The following DCHS2 variants were observed in gnomAD, a reference collection of about 807,000 sequenced individuals.
The protein encoded by DCHS2 is protocadherin-23.
A neutral mutation model predicts 182.4 loss-of-function variants in DCHS2; 142 were observed. That is an observed-to-expected ratio of 0.78 (90% CI 0.68 to 0.89). The LOEUF (loss-of-function observed/expected upper bound fraction) is 0.89, where lower values mean the gene tolerates loss of function less well. Ranked by LOEUF, DCHS2 falls within the 40% of genes least tolerant of loss-of-function variation. The pLI, the probability that DCHS2 is intolerant of heterozygous loss-of-function variation, is 0.00. For synonymous variants in DCHS2, 1,740 were observed against 1,663.3 expected, an observed-to-expected ratio of 1.05 and a Z score of -1.12; for missense variants, 4,319 against 4,198.6, an observed-to-expected ratio of 1.03 and a Z score of -0.79.
At chr4:154,238,876 T>C (rs1359976347) in intron 19 of DCHS2, among the ~76,000 whole-genome samples, 1 of 152,154 alleles carries the variant, frequency 6.6e-6, no homozygotes, top group Non-Finnish European at 1.5e-5. Context: ...CTGTGCTTGG[T>C]TGGACGGATG....
rs904771457 is a variant in DCHS2 at position 154,236,877 on chromosome 4, C to A, written c.7775G>T (p.Gly2592Val). 5 of 1,614,028 alleles carry A rather than the reference C, an allele frequency of 3.1e-6. No homozygotes were observed. The Admixed American group carries it at 5.0e-5, about 16-fold the overall frequency. Residue 2592 changes from glycine to valine, a missense_variant, in exon 20 of 20, where the codon GGT becomes GTT. Transcript: ENST00000357232. The part of the protein sequence containing the change: ...NTYVEYSIIS[G>V]NSQNNFHVET... ...CACATGAAAATTGTTCTGTGAATTA[C>A]CACTGATGATGGAATATTCAACATA...
At position 154,304,745 on chromosome 4, in the gene DCHS2, T is replaced by C; in HGVS notation, c.5529A>G (p.Glu1843=). 1 of 1,614,050 alleles carries C rather than the reference T, an allele frequency of 6.2e-7. No homozygotes were observed. The highest frequency in any genetic ancestry group is 1.1e-5 in the South Asian group (1 of 91,076). The change falls in exon 12 of 20, where the codon GAA becomes GAG. Residue 1843 remains glutamate, a synonymous_variant. Coordinates refer to ENST00000357232, the MANE Select transcript of DCHS2 (RefSeq NM_001358235.2). ...CTAAAACCGTATAGACAACCTCTGG[T>C]TCCTGGTTTTCCAGAACCTCAATGT... ...SYDIEVLENQ[E]PEVVYTVLAS...
intron 12 of DCHS2, among the ~76,000 whole-genome samples, chr4:154,303,130 T>C (rs1735286506): frequency 6.6e-6 from 1 of 151,528 alleles, no homozygotes; most frequent in African/African-American, 2.4e-5. Context: ...TACAGGTGCC[T>C]GCCACCACAC....
At chr4:154,397,926 G>A (rs1281910612) in intron 1 of DCHS2, among the ~76,000 whole-genome samples, 2 of 152,080 alleles carry the variant, frequency 1.3e-5, no homozygotes, top group East Asian at 3.9e-4. Context: ...CTCTGTGTTG[G>A]GTAGAGTAAA....
In DCHS2 at chr4:154,242,638, T is replaced by A. The variant is rs1578845475; in HGVS notation, c.7072+4A>T. 1 of 1,608,316 alleles carries A rather than the reference T, an allele frequency of 6.2e-7. No individual in the cohort carries two copies. Among genetic ancestry groups the A allele is most frequent in the Non-Finnish European group, 8.5e-7 (1 of 1,178,052 alleles). ...AAACCACTATGCCAAATTGTCACAC[T>A]TACCTTCTGTAATTTCCACTGCTTC... is the stretch of plus-strand genomic sequence containing the variant. On this transcript the variant is annotated splice_donor_region_variant and intron_variant, in intron 17 of 19. Transcript: ENST00000357232.
chr4:154,265,488 T>C (rs763381953), intron 14 of DCHS2, among the ~76,000 whole-genome samples: 6 of 152,178 alleles, frequency 3.9e-5, no homozygotes, highest in Non-Finnish European at 5.9e-5. Flanking sequence ...ACCAAAAATG[T>C]CAGCGATCAG....
In DCHS2 at chr4:154,433,394, C is replaced by T. The variant is rs201070879; in HGVS notation, c.2052+55910G>A. Among the ~76,000 whole-genome samples, 206 of 48,862 alleles carry T rather than the reference C, an allele frequency of 4.2e-3. 1 individual carries two copies. Among genetic ancestry groups the T allele is most frequent in the Middle Eastern group, 0.019 (1 of 54 alleles). 32.1% of individuals were successfully genotyped at this position (48,862 alleles called of 152,430 possible). A position where few individuals can be genotyped will look rare whatever the true frequency, so the allele number is the denominator to read the frequency against. ...AACAAATAACTAGTTTTTTTTTTTT[C>T]CTTTTTTTTTTTTTTTTTTGAGACA... On this transcript the variant is annotated intron_variant, in intron 1 of 19. Transcript: ENST00000357232.
chr4:154,244,383 A>G (rs1301871394), intron 16 of DCHS2, among the ~76,000 whole-genome samples: 5 of 152,198 alleles, frequency 3.3e-5, no homozygotes, highest in African/African-American at 1.2e-4. Flanking sequence ...TCACATTCTA[A>G]TGTATAATTA....
intron 1 of DCHS2, among the ~76,000 whole-genome samples, chr4:154,417,158 A>AGTGTGTGT (rs778940410): frequency 2.9e-4 from 23 of 80,032 alleles, no homozygotes; most frequent in South Asian, 2.3e-3. Flanking sequence ...GCCGGTCCCG[A>AGTGTGTGT]GTGTGTGTGT....
At chr4:154,349,807 C>T (rs12651103) in intron 3 of DCHS2, among the ~76,000 whole-genome samples, 46,705 of 152,030 alleles carry the variant, frequency 0.31, 8,730 homozygotes, top group Non-Finnish European at 0.42. Context: ...TTGATGAATA[C>T]TATTTAATTA....
intron 1 of DCHS2, among the ~76,000 whole-genome samples, chr4:154,380,784 C>A (rs999592886): frequency 1.3e-5 from 2 of 152,004 alleles, no homozygotes; most frequent in East Asian, 3.9e-4. Flanking sequence ...AAAATATTGA[C>A]CTAGTATTCT....
chr4:154,409,207 T>C (rs761789129), intron 1 of DCHS2, among the ~76,000 whole-genome samples: 13 of 151,498 alleles, frequency 8.6e-5, no homozygotes, highest in Non-Finnish European at 1.9e-4. Context: ...GGGAGTGGAG[T>C]CATTACTGTG....
At chr4:154,374,897 G>A (rs1282444705) in intron 2 of DCHS2, among the ~76,000 whole-genome samples, 3 of 152,156 alleles carry the variant, frequency 2.0e-5, no homozygotes, top group African/African-American at 4.8e-5. Context: ...AGAACGGTGT[G>A]TATAGTAGGC....
intron 1 of DCHS2, among the ~76,000 whole-genome samples, chr4:154,486,980 A>G (rs768679548): frequency 6.6e-6 from 1 of 152,186 alleles, no homozygotes; most frequent in Non-Finnish European, 1.5e-5. Context: ...ACCATAATGG[A>G]TCTACCACAT....
rs184093472 is a variant in DCHS2, at chr4:154,385,713, C to T, written c.2053-8269G>A. Among the ~76,000 whole-genome samples, 771 of 152,056 alleles carry T rather than the reference C, an allele frequency of 5.1e-3. 5 individuals are homozygous for T. The highest frequency in any genetic ancestry group is 0.016 in the African/African-American group (664 of 41,474). ...TTCACCACGTTGGCCAGGATAGTCT[C>T]GATCTCTTGACCTCGTGACCCACCT... On this transcript the variant is annotated intron_variant, in intron 1 of 19. Coordinates refer to ENST00000357232, the MANE Select transcript of DCHS2 (RefSeq NM_001358235.2).
intron 5 of DCHS2, 68 bp from the exon 6 acceptor site, chr4:154,329,778 C>T: frequency 7.1e-7 from 1 of 1,413,962 alleles, no homozygotes; most frequent in East Asian, 2.3e-5. Context: ...AGAACCATTT[C>T]CAGAAGGAAA....
intron 1 of DCHS2, among the ~76,000 whole-genome samples, chr4:154,481,984 G>C (rs141568860): frequency 6.6e-6 from 1 of 152,184 alleles, no homozygotes; most frequent in African/African-American, 2.4e-5. Context: ...TCTGAGATCT[G>C]CATGTTTATG....
chr4:154,288,555 A>G (rs112443435), intron 13 of DCHS2, among the ~76,000 whole-genome samples: 2 of 152,272 alleles, frequency 1.3e-5, no homozygotes, highest in African/African-American at 4.8e-5. Context: ...TAGGCACCAT[A>G]TATCAAATGG....
At chr4:154,279,903 A>T (rs1029771438) in intron 13 of DCHS2, among the ~76,000 whole-genome samples, 1 of 152,018 alleles carries the variant, frequency 6.6e-6, no homozygotes, top group African/African-American at 2.4e-5. Flanking sequence ...ACATTATAGA[A>T]AAACAATAGA....
Sources: gnomAD v4.1 joint callset for allele counts (sites outside exome capture counted in the v4.1 genomes callset) on GRCh38, gnomAD v4.1.1 for gene constraint, MANE v1.5 for transcripts, NCBI Gene and HGNC (gene_info 2026-07-23, HGNC 2026-07-21) for gene names.